CFDP1: variants seen among roughly 807,000 people sequenced by gnomAD.
CFDP1 encodes the protein heterochromatin-stabilizing protein CFDP1.
A neutral mutation model predicts 40.1 loss-of-function variants in CFDP1; 31 were observed. The observed-to-expected ratio is 0.77, with a 90% confidence interval of 0.58 to 1.04. The LOEUF (loss-of-function observed/expected upper bound fraction) is 1.04. Ranked by LOEUF, CFDP1 falls within the 50% of genes least tolerant of loss-of-function variation. The pLI is 0.00. For synonymous variants in CFDP1, 167 were observed against 120.0 expected (o/e 1.39, Z -2.56); for missense variants, 423 against 343.4 (o/e 1.23, Z -1.83).
chr16:75,355,587 T>C (rs1343644004), intron 5 of CFDP1, among the ~76,000 whole-genome samples: 6 of 152,194 alleles, frequency 3.9e-5, no homozygotes, highest in African/African-American at 1.2e-4. Flanking sequence ...TGATATGGTC[T>C]GACTCTGTAT....
rs1162951313 is a variant in CFDP1, at chr16:75,394,658, C to CTTTTTTTTTTTT, written c.650+420_650+431dup. On this transcript the variant is annotated intron_variant, in intron 5 of 6. Transcript: ENST00000283882. Reference sequence around the variant, plus strand: ...AGAAAGCTACAACTAATTTTCTTCGCTTTTTTTTTTTTTTTTTTTTTTTAA... The same window carrying CTTTTTTTTTTTT: ...AGAAAGCTACAACTAATTTTCTTCGCTTTTTTTTTTTTTTTTTTTTTTTTTTTTTTTTTTTAA... 4 of 103,290 alleles carry CTTTTTTTTTTTT rather than the reference C, an allele frequency of 3.9e-5. 1 individual carries two copies. Among genetic ancestry groups the CTTTTTTTTTTTT allele is most frequent in the Admixed American group, 1.4e-4 (1 of 7,054 alleles). 6.4% of individuals were successfully genotyped at this position (103,290 alleles called of 1,614,324 possible).
At position 75,372,794 on chromosome 16, in the gene CFDP1, C is replaced by T. The variant is rs572557488; in HGVS notation, c.650+22296G>A. Among the ~76,000 whole-genome samples the T allele has an allele frequency of 2.0e-5, 3 of 152,278 alleles. No homozygotes were observed. The East Asian group carries it at 5.8e-4, about 29-fold the overall frequency. ...ACTCACAGTTAAAAGAAAATGCACG[C>T]ACACACAAATACATACCCTTTAAAT... is the stretch of plus-strand genomic sequence containing the variant. On this transcript the variant is annotated intron_variant, in intron 5 of 6. Transcript: ENST00000283882.
chr16:75,394,968 C>T (rs955772825), intron 5 of CFDP1, 122 bp downstream of exon 5: 1 of 1,226,088 alleles, frequency 8.2e-7, no homozygotes, highest in Middle Eastern at 2.2e-4. Flanking sequence ...GCAGCAAAGG[C>T]AAAGCAGCAT....
intron 5 of CFDP1, among the ~76,000 whole-genome samples, chr16:75,365,220 T>C (rs1238077551): frequency 2.0e-5 from 3 of 152,234 alleles, no homozygotes; most frequent in Non-Finnish European, 4.4e-5. Context: ...AATACATCTG[T>C]GTTAAGTCAA....
intron 1 of CFDP1, among the ~76,000 whole-genome samples, chr16:75,429,761 T>C (rs761793825): frequency 6.6e-6 from 1 of 152,220 alleles, no homozygotes; most frequent in Non-Finnish European, 1.5e-5. Context: ...ATCTAATGAA[T>C]GTAAATATTT....
chr16:75,374,117 G>A (rs2078773879), intron 5 of CFDP1, among the ~76,000 whole-genome samples: 2 of 152,020 alleles, frequency 1.3e-5, no homozygotes, highest in Admixed American at 6.6e-5. Flanking sequence ...GCCAGGCGTG[G>A]TGGTGGGTGC....
intron 5 of CFDP1, among the ~76,000 whole-genome samples, chr16:75,390,256 C>T (rs766521): frequency 0.52 from 79,024 of 152,076 alleles, 21,551 homozygotes; most frequent in Admixed American, 0.64. Context: ...TGAGGACAGC[C>T]TGATGAAGAC....
At chr16:75,303,748 C>A (rs771816848) in intron 6 of CFDP1, among the ~76,000 whole-genome samples, 1 of 152,136 alleles carries the variant, frequency 6.6e-6, no homozygotes, top group Non-Finnish European at 1.5e-5. Context: ...ATTACATATA[C>A]GTAAGCAATA....
chr16:75,342,980 A>G (rs367963641), intron 5 of CFDP1, among the ~76,000 whole-genome samples: 1 of 152,124 alleles, frequency 6.6e-6, no homozygotes, highest in African/African-American at 2.4e-5. Flanking sequence ...CACCCCCTCA[A>G]TCCAATGGGG....
intron 5 of CFDP1, among the ~76,000 whole-genome samples, chr16:75,342,490 C>T (rs183472222): frequency 1.3e-5 from 2 of 152,310 alleles, no homozygotes; most frequent in South Asian, 2.1e-4. Flanking sequence ...AGTTTGTTTA[C>T]TTGGAACAAA....
chr16:75,422,767 G>C (rs898288219), intron 1 of CFDP1, among the ~76,000 whole-genome samples: 1 of 151,318 alleles, frequency 6.6e-6, no homozygotes, highest in African/African-American at 2.4e-5. Context: ...GATCGCTTGA[G>C]GCCAGGAGTT....
intron 4 of CFDP1, among the ~76,000 whole-genome samples, chr16:75,396,597 C>G (rs1483781389): frequency 9.6e-6 from 1 of 103,672 alleles, no homozygotes; most frequent in Non-Finnish European, 2.3e-5. Context: ...ATATCCAAAA[C>G]AACCCAAAGA....
At chr16:75,417,506 A>T (rs2079220858) in intron 1 of CFDP1, among the ~76,000 whole-genome samples, 1 of 152,152 alleles carries the variant, frequency 6.6e-6, no homozygotes. Context: ...CCAGCTCTGG[A>T]TGAGGAAAAA....
At chr16:75,328,098 G>A (rs2078416739) in intron 5 of CFDP1, among the ~76,000 whole-genome samples, 2 of 151,456 alleles carry the variant, frequency 1.3e-5, no homozygotes. Flanking sequence ...GGCAGGAGGT[G>A]GTATGAGAGT....
At chr16:75,424,025 A>T (rs1166000827) in intron 1 of CFDP1, among the ~76,000 whole-genome samples, 2 of 152,328 alleles carry the variant, frequency 1.3e-5, no homozygotes, top group African/African-American at 4.8e-5. Flanking sequence ...AAATTTGAAA[A>T]TCAAACACTG....
At chr16:75,431,043 G>A (rs1406848603) in intron 1 of CFDP1, among the ~76,000 whole-genome samples, 1 of 151,912 alleles carries the variant, frequency 6.6e-6, no homozygotes, top group East Asian at 1.9e-4. Context: ...CAGCTAAGTA[G>A]CAACAAAAAA....
chr16:75,309,639 T>C (rs2078280606), intron 5 of CFDP1, among the ~76,000 whole-genome samples: 1 of 151,788 alleles, frequency 6.6e-6, no homozygotes, highest in Admixed American at 6.6e-5. Flanking sequence ...CCTAACACGG[T>C]GAAACCCCGT....
intron 5 of CFDP1, among the ~76,000 whole-genome samples, chr16:75,323,670 T>C (rs999371348): frequency 4.0e-5 from 6 of 151,416 alleles, no homozygotes; most frequent in Non-Finnish European, 8.8e-5. Context: ...TCCCAGCTAC[T>C]CCAGAGGCTG....
chr16:75,369,309 T>A (rs1011768921), intron 5 of CFDP1, among the ~76,000 whole-genome samples: 1 of 151,424 alleles, frequency 6.6e-6, no homozygotes, highest in Admixed American at 6.6e-5. Context: ...CCAAGCACTT[T>A]AGGAGGTCAA....
Sources: allele counts gnomAD v4.1 joint callset (sites outside exome capture counted in the v4.1 genomes callset), GRCh38; gene constraint gnomAD v4.1.1; transcripts MANE v1.5; gene names NCBI Gene and HGNC (gene_info 2026-07-23, HGNC 2026-07-21).